PPARG: variants seen among roughly 807,000 people sequenced by gnomAD.
PPARG encodes the protein peroxisome proliferator activated receptor gamma, also known as peroxisome proliferator-activated receptor gamma.
PPARG carries 17 observed loss-of-function variants against 39.2 expected under a neutral mutation model. That is an observed-to-expected ratio of 0.43 (90% confidence interval 0.30 to 0.65). The LOEUF (loss-of-function observed/expected upper bound fraction) is 0.65. PPARG is among the 30% of genes least tolerant of loss of function. The pLI, the probability that PPARG is intolerant of heterozygous loss-of-function variation, is 0.13. For synonymous variants in PPARG, 223 were observed against 215.7 expected (o/e 1.03, Z -0.30); for missense variants, 406 against 585.9 (o/e 0.69, Z 3.17).
intron 2 of PPARG, among the ~76,000 whole-genome samples, chr3:12,313,171 A>T (rs1289744621): frequency 6.6e-6 from 1 of 152,214 alleles, no homozygotes; most frequent in African/African-American, 2.4e-5. Context: ...ATCACAGAAT[A>T]GCTCATTTTC....
At chr3:12,343,370 C>T (rs2048238350) in intron 2 of PPARG, among the ~76,000 whole-genome samples, 1 of 152,196 alleles carries the variant, frequency 6.6e-6, no homozygotes, top group African/African-American at 2.4e-5. Flanking sequence ...CCTTCCATCT[C>T]CATGCACAGT....
chr3:12,431,732 G>C (rs2051667573), intron 7 of PPARG, among the ~76,000 whole-genome samples: 1 of 152,128 alleles, frequency 6.6e-6, no homozygotes, highest in Non-Finnish European at 1.5e-5. Context: ...TTGAGGCCAG[G>C]AGTTTAAGAC....
chr3:12,293,964 A>G (rs1216712342), intron 1 of PPARG, among the ~76,000 whole-genome samples: 4 of 152,188 alleles, frequency 2.6e-5, no homozygotes, highest in Non-Finnish European at 4.4e-5. Context: ...TTTGAATTTG[A>G]AAGCTTTGGG....
At chr3:12,430,564 A>AT (rs1437920276) in intron 7 of PPARG, among the ~76,000 whole-genome samples, 1 of 152,204 alleles carries the variant, frequency 6.6e-6, no homozygotes, top group African/African-American at 2.4e-5. Context: ...GTATGACCTC[A>AT]TGGGGTTATT....
At chr3:12,433,170 A>G (rs544370727) in intron 7 of PPARG, among the ~76,000 whole-genome samples, 2 of 152,368 alleles carry the variant, frequency 1.3e-5, no homozygotes, top group Non-Finnish European at 2.9e-5. Flanking sequence ...TGAAAAAAGC[A>G]TATTTGAAGC....
intron 2 of PPARG, among the ~76,000 whole-genome samples, chr3:12,361,020 C>CT (rs1340621440): frequency 6.6e-6 from 1 of 152,142 alleles, no homozygotes; most frequent in East Asian, 1.9e-4. Context: ...TATACTTCTA[C>CT]TAGAAGTGCA....
chr3:12,294,971 T>C (rs2046741821), intron 1 of PPARG, among the ~76,000 whole-genome samples: 1 of 152,182 alleles, frequency 6.6e-6, no homozygotes, highest in Non-Finnish European at 1.5e-5. Flanking sequence ...TGCATCTCTG[T>C]TAGAAATAGA....
intron 2 of PPARG, among the ~76,000 whole-genome samples, chr3:12,354,287 T>C (rs556658593): frequency 4.6e-5 from 7 of 152,304 alleles, no homozygotes; most frequent in African/African-American, 1.4e-4. Context: ...ACGCCATTTT[T>C]CTTCTCTGGC....
At chr3:12,294,958 C>G (rs918960169) in intron 1 of PPARG, among the ~76,000 whole-genome samples, 1 of 152,102 alleles carries the variant, frequency 6.6e-6, no homozygotes, top group African/African-American at 2.4e-5. Context: ...TATGGCAAGC[C>G]AGTGCATCTC....
intron 2 of PPARG, among the ~76,000 whole-genome samples, chr3:12,349,527 A>G (rs1197745191): frequency 2.0e-5 from 3 of 152,210 alleles, no homozygotes; most frequent in Admixed American, 6.5e-5. Context: ...CTGAGCTGCT[A>G]TGTGGCAGGC....
chr3:12,410,398 G>A (rs888289389), intron 6 of PPARG, among the ~76,000 whole-genome samples: 1 of 152,202 alleles, frequency 6.6e-6, no homozygotes, highest in Non-Finnish European at 1.5e-5. Flanking sequence ...GTTTGTTGAT[G>A]AAAATAAACA....
intron 2 of PPARG, among the ~76,000 whole-genome samples, chr3:12,347,313 C>T (rs80112120): frequency 0.012 from 1,814 of 152,020 alleles, 44 homozygotes; most frequent in African/African-American, 0.041. Flanking sequence ...AGCAAGACCC[C>T]GGTCAAAAAT....
intron 5 of PPARG, among the ~76,000 whole-genome samples, chr3:12,400,361 A>T (rs1174190354): frequency 6.6e-6 from 1 of 152,178 alleles, no homozygotes; most frequent in Non-Finnish European, 1.5e-5. Flanking sequence ...TAACTATTCC[A>T]TGTGCTTGGT....
Position 12,405,981 on chromosome 3 carries a change from G to A in PPARG, c.629G>A (p.Arg210Gln), listed in dbSNP as rs150296212. 2.7e-5 allele frequency: 43 copies of A among 1,613,976 alleles called. No individual in the cohort carries two copies. The highest frequency in any genetic ancestry group is 3.3e-5 in the Admixed American group (2 of 59,992). Reference sequence around the variant, plus strand: ...CTGAATCCAGAGTCCGCTGACCTCCGGGCCCTGGCAAAACATTTGTATGAC... The same window carrying A: ...CTGAATCCAGAGTCCGCTGACCTCCAGGCCCTGGCAAAACATTTGTATGAC... ...DQLNPESADL[R>Q]ALAKHLYDSY... is the part of the protein sequence containing the mutation. The change falls in exon 6 of 8, where the codon CGG (arginine) becomes CAG (glutamine). Residue 210 changes from arginine (R) to glutamine (Q), a missense_variant. Arg to Gln is a conservative substitution (Grantham distance 43). Around this residue, in one of 2 missense-constraint regions of PPARG, gnomAD observed 275 missense variants for 458.0 expected, o/e 0.60. Coordinates refer to ENST00000651735, the MANE Select transcript of PPARG (RefSeq NM_138711.6).
intron 2 of PPARG, among the ~76,000 whole-genome samples, chr3:12,336,532 A>G (rs1343278372): frequency 6.6e-6 from 1 of 152,226 alleles, no homozygotes; most frequent in Non-Finnish European, 1.5e-5. Context: ...TTTGAAAAAG[A>G]TTAGCTGAAC....
intron 5 of PPARG, among the ~76,000 whole-genome samples, chr3:12,396,247 G>C (rs923599764): frequency 6.6e-6 from 1 of 151,844 alleles, no homozygotes; most frequent in African/African-American, 2.4e-5. Context: ...TTAGCCTCCT[G>C]AGTAGCTGGG....
intron 2 of PPARG, among the ~76,000 whole-genome samples, chr3:12,369,337 C>G (rs2049128193): frequency 6.6e-6 from 1 of 151,966 alleles, no homozygotes; most frequent in Non-Finnish European, 1.5e-5. Context: ...ACAGAAAATA[C>G]AAAAATTAGC....
At chr3:12,412,610 C>A (rs555516535) in intron 6 of PPARG, among the ~76,000 whole-genome samples, 2 of 152,294 alleles carry the variant, frequency 1.3e-5, no homozygotes, top group Middle Eastern at 3.4e-3. Flanking sequence ...TCATTCCGTT[C>A]TGGTCTGTCC....
intron 2 of PPARG, among the ~76,000 whole-genome samples, chr3:12,368,430 C>T (rs1479240584): frequency 6.6e-6 from 1 of 152,134 alleles, no homozygotes; most frequent in African/African-American, 2.4e-5. Context: ...GATCCTCCCA[C>T]CTTGTCTTCC....
Sources: gnomAD v4.1 joint callset for allele counts (sites outside exome capture counted in the v4.1 genomes callset) on GRCh38, gnomAD v4.1.1 for gene constraint, gnomAD v4.1.1 regional missense constraint, MANE v1.5 for transcripts, NCBI Gene and HGNC (gene_info 2026-07-23, HGNC 2026-07-21) for gene names.